The following XYLB variants were observed in gnomAD, a reference collection of about 807,000 sequenced individuals.
XYLB encodes the protein xylulose kinase.
XYLB carries 62 observed loss-of-function variants against 78.7 expected under a neutral mutation model. That is an observed-to-expected ratio of 0.79 (90% confidence interval 0.64 to 0.97). The LOEUF (loss-of-function observed/expected upper bound fraction) is 0.97. Among genes scored for constraint, XYLB ranks in the 50% least tolerant of loss-of-function variants. The pLI is 0.00. For synonymous variants in XYLB, 245 were observed against 247.4 expected (o/e 0.99, Z 0.09); for missense variants, 687 against 676.8 (o/e 1.02, Z -0.17).
In XYLB at chr3:38,365,907, T is replaced by A. The variant is rs116321213; in HGVS notation, c.507+171T>A. ...CCAGGCCACCTGCTGCCCTGTGTGT[T>A]CCCAGGCCAGGCTGGGTGTGCACAT... On this transcript the variant is annotated intron_variant, in intron 6 of 18. Transcript: ENST00000207870. Among the ~76,000 whole-genome samples the A allele has an allele frequency of 4.5e-3, 678 of 152,154 alleles. 5 individuals carry two copies. The highest frequency in any genetic ancestry group is 0.015 in the African/African-American group (640 of 41,512).
At chr3:38,403,717 C>A (rs1274730830) in intron 18 of XYLB, among the ~76,000 whole-genome samples, 1 of 152,052 alleles carries the variant, frequency 6.6e-6, no homozygotes, top group Non-Finnish European at 1.5e-5. Context: ...AGAAGGAGGC[C>A]AGCAAGGAGG....
chr3:38,446,520 A>G, the XYLB span, among the ~76,000 whole-genome samples: 15 of 152,214 alleles, frequency 9.9e-5, no homozygotes, highest in African/African-American at 3.4e-4. Flanking sequence ...TTCAAAATAT[A>G]TTACAGGGAT....
At chr3:38,375,371 A>G in intron 12 of XYLB, 112 bp downstream of exon 12, 1 of 931,648 alleles carries the variant, frequency 1.1e-6, no homozygotes, top group Non-Finnish European at 1.7e-6. Context: ...GACTCCCTCC[A>G]CTTTCCCGGG....
the XYLB span, among the ~76,000 whole-genome samples, chr3:38,436,207 G>A: frequency 6.6e-6 from 1 of 151,812 alleles, no homozygotes; most frequent in African/African-American, 2.4e-5. Context: ...AAAGAGAGAA[G>A]ACCCAAATAA....
chr3:38,362,419 G>A (rs1329365735), intron 3 of XYLB, among the ~76,000 whole-genome samples: 1 of 152,070 alleles, frequency 6.6e-6, no homozygotes, highest in Non-Finnish European at 1.5e-5. Context: ...TTCATTTTTT[G>A]TAGAGATGGG....
At chr3:38,355,317 G>A (rs1021418376) in intron 2 of XYLB, among the ~76,000 whole-genome samples, 4 of 152,222 alleles carry the variant, frequency 2.6e-5, no homozygotes, top group Non-Finnish European at 4.4e-5. Context: ...CTATGAAGCA[G>A]AGCCTTCTAG....
chr3:38,364,076 G>A (rs1165458278), intron 4 of XYLB, among the ~76,000 whole-genome samples: 1 of 151,932 alleles, frequency 6.6e-6, no homozygotes, highest in Non-Finnish European at 1.5e-5. Flanking sequence ...CGACCCCCAT[G>A]GCTGGATATC....
intron 10 of XYLB, among the ~76,000 whole-genome samples, chr3:38,373,991 C>G (rs1297663344): frequency 6.6e-6 from 1 of 151,748 alleles, no homozygotes; most frequent in Non-Finnish European, 1.5e-5. Context: ...GCACTCCAGC[C>G]TGGGTGACAG....
chr3:38,386,224 G>A (rs1432969913), intron 15 of XYLB, among the ~76,000 whole-genome samples: 1 of 151,950 alleles, frequency 6.6e-6, no homozygotes, highest in African/African-American at 2.4e-5. Context: ...TACCTGTGTT[G>A]TCTCTGTGTC....
the XYLB span, among the ~76,000 whole-genome samples, chr3:38,427,835 G>A: frequency 3.9e-5 from 6 of 152,110 alleles, no homozygotes; most frequent in Admixed American, 2.0e-4. Flanking sequence ...CAAGTGATTC[G>A]TCCACCTTGG....
At chr3:38,356,560 C>T (rs1218112604) in intron 2 of XYLB, 1 of 152,188 alleles carries the variant, frequency 6.6e-6, no homozygotes, top group Non-Finnish European at 1.5e-5. Flanking sequence ...CCTTCTTTTA[C>T]TTAGCATAAT....
chr3:38,421,798 C>G (rs1469523361), downstream of XYLB, among the ~76,000 whole-genome samples: 5 of 151,984 alleles, frequency 3.3e-5, no homozygotes, highest in Admixed American at 3.3e-4. Context: ...TTGTCCCTAC[C>G]CCTCTACACC....
intron 6 of XYLB, 133 bp from the exon 7 acceptor site, chr3:38,366,675 T>C: frequency 3.1e-6 from 2 of 636,570 alleles, no homozygotes; most frequent in Admixed American, 2.8e-5. Context: ...CTGTGCCTGG[T>C]TGGGGCTTAC....
chr3:38,365,065 T>A, intron 4 of XYLB, 134 bp from the exon 5 acceptor site: 1 of 721,014 alleles, frequency 1.4e-6, no homozygotes, highest in Admixed American at 2.4e-5. Flanking sequence ...GGTGATGAGC[T>A]CTGTGACTAA....
chr3:38,350,951 G>T (rs1705323389), intron 2 of XYLB, among the ~76,000 whole-genome samples: 1 of 151,764 alleles, frequency 6.6e-6, no homozygotes, highest in African/African-American at 2.4e-5. Flanking sequence ...AGACCAGCCT[G>T]GCCAACATGG....
chr3:38,432,847 G>A, the XYLB span, among the ~76,000 whole-genome samples: 8 of 152,364 alleles, frequency 5.3e-5, no homozygotes, highest in South Asian at 8.3e-4. Context: ...TCACGGGCTG[G>A]TGTTGAGTGT....
chr3:38,369,388 G>T lies in XYLB; in HGVS notation c.647-668G>T, dbSNP rs112747437. 5.9e-5 allele frequency among the ~76,000 whole-genome samples: 9 copies of T among 152,234 alleles called. 1 individual carries two copies. The highest frequency in any genetic ancestry group is 2.2e-4 in the African/African-American group (9 of 41,534). ...AGCTGTTCCGGGGGGCATTCCAGAG[G>T]TTTATGTTCCTTAGCCACAGCTGGG... On this transcript the variant is annotated intron_variant, in intron 8 of 18. Transcript: ENST00000207870.
intron 2 of XYLB, chr3:38,355,961 A>T (rs1705624277): frequency 1.7e-6 from 1 of 593,864 alleles, no homozygotes; most frequent in South Asian, 2.1e-5. Flanking sequence ...TTTTAAAGAA[A>T]ATACTGGGGC....
At chr3:38,396,052 T>C (rs953357792) in intron 16 of XYLB, among the ~76,000 whole-genome samples, 1 of 152,242 alleles carries the variant, frequency 6.6e-6, no homozygotes, top group African/African-American at 2.4e-5. Flanking sequence ...TGTGGGGCTG[T>C]CAGAGCCTGT....
Sources: allele counts gnomAD v4.1 joint callset (sites outside exome capture counted in the v4.1 genomes callset), GRCh38; gene constraint gnomAD v4.1.1; transcripts MANE v1.5; gene names NCBI Gene and HGNC (gene_info 2026-07-23, HGNC 2026-07-21).